Variants in SLC24A2 observed in about 807,000 individuals in gnomAD.
SLC24A2 encodes the protein sodium/potassium/calcium exchanger 2.
SLC24A2 carries 36 observed loss-of-function variants against 62.0 expected under a neutral mutation model. The ratio of observed to expected loss-of-function variants is 0.58; its 90% CI spans 0.44 to 0.77. SLC24A2 has a LOEUF of 0.77. SLC24A2 is among the 30% of genes least tolerant of loss of function. SLC24A2 has a pLI of 0.00. For missense variants in SLC24A2, 846 were observed against 817.9 expected, an observed-to-expected ratio of 1.03 and a Z score of -0.42; for synonymous variants, 358 against 294.0, an observed-to-expected ratio of 1.22 and a Z score of -2.23.
the SLC24A2 span, among the ~76,000 whole-genome samples, chr9:20,196,186 T>TA: frequency 1.5e-3 from 227 of 152,314 alleles, 1 homozygote; most frequent in African/African-American, 5.3e-3. Context: ...ACAATATGTA[T>TA]AAAAAATCAA....
At chr9:20,024,138 C>T in the SLC24A2 span, among the ~76,000 whole-genome samples, 1 of 152,172 alleles carries the variant, frequency 6.6e-6, no homozygotes, top group African/African-American at 2.4e-5. Context: ...GAGTTTTTCT[C>T]ATTTATCATC....
chr9:20,128,769 G>A, the SLC24A2 span, among the ~76,000 whole-genome samples: 4 of 152,016 alleles, frequency 2.6e-5, no homozygotes, highest in Non-Finnish European at 5.9e-5. Context: ...GCAAAAGAAT[G>A]AAGTTTGACC....
At chr9:19,692,155 T>C (rs1820063254) in intron 2 of SLC24A2, among the ~76,000 whole-genome samples, 2 of 152,172 alleles carry the variant, frequency 1.3e-5, no homozygotes, top group African/African-American at 4.8e-5. Context: ...ATGGCAATTA[T>C]GTATGCATAA....
the SLC24A2 span, among the ~76,000 whole-genome samples, chr9:20,137,723 T>C: frequency 6.6e-6 from 1 of 152,308 alleles, no homozygotes; most frequent in South Asian, 2.1e-4. Context: ...TAGGCTATTT[T>C]TAGAGCTACA....
At chr9:20,061,333 G>A in the SLC24A2 span, among the ~76,000 whole-genome samples, 1 of 151,488 alleles carries the variant, frequency 6.6e-6, no homozygotes, top group African/African-American at 2.4e-5. Context: ...TGCCCAGGCT[G>A]GAAGGCAGTG....
chr9:20,023,419 G>C, the SLC24A2 span, among the ~76,000 whole-genome samples: 9,333 of 152,244 alleles, frequency 0.061, 437 homozygotes, highest in Non-Finnish European at 0.099. Flanking sequence ...AGCAGGCTTG[G>C]TTACTGTTAA....
chr9:19,786,746 C>G lies in SLC24A2; in HGVS notation c.121G>C (p.Gly41Arg). ...ATGGCTACCAGACCCATGAAAAGGC[C>G]TAAGACTCGAATTAACTTCAGTTTT... ...KKKLKLIRVL[G>R]LFMGLVAIST... Residue 41 changes from glycine (G) to arginine (R), a missense_variant, in exon 2 of 11, where the codon GGC becomes CGC. Coordinates refer to ENST00000341998, the MANE Select transcript of SLC24A2 (RefSeq NM_020344.4). This position sits in a 1 kb window ranked among gnomAD's most constrained non-coding sequence, Gnocchi z 5.0. 3 of 1,603,006 alleles carry G rather than the reference C, an allele frequency of 1.9e-6. No individual in the cohort carries two copies. The highest frequency in any genetic ancestry group is 2.6e-6 in the Non-Finnish European group (3 of 1,174,058).
the SLC24A2 span, among the ~76,000 whole-genome samples, chr9:19,946,572 T>C: frequency 6.6e-6 from 1 of 152,198 alleles, no homozygotes; most frequent in African/African-American, 2.4e-5. Context: ...CTAAGGAGTC[T>C]GAAATGCAGA....
chr9:19,913,063 A>G, the SLC24A2 span, among the ~76,000 whole-genome samples: 1 of 151,888 alleles, frequency 6.6e-6, no homozygotes, highest in Non-Finnish European at 1.5e-5. Flanking sequence ...TTCATTGGCT[A>G]TTTCTCTATT....
chr9:20,113,030 T>C, the SLC24A2 span, among the ~76,000 whole-genome samples: 1 of 152,158 alleles, frequency 6.6e-6, no homozygotes, highest in Non-Finnish European at 1.5e-5. Flanking sequence ...GCTGTTTGGC[T>C]AATGTGACAT....
intron 2 of SLC24A2, among the ~76,000 whole-genome samples, chr9:19,725,759 T>A (rs528416661): frequency 6.6e-6 from 1 of 152,182 alleles, no homozygotes; most frequent in Non-Finnish European, 1.5e-5. Context: ...CTCTCCTCAA[T>A]GTTTCTAAAG....
At chr9:20,103,949 A>T in the SLC24A2 span, among the ~76,000 whole-genome samples, 12 of 152,034 alleles carry the variant, frequency 7.9e-5, no homozygotes, top group South Asian at 2.1e-4. Flanking sequence ...TAAAAACTTT[A>T]AAAAAAATTT....
chr9:19,712,887 A>G (rs1820754309), intron 2 of SLC24A2, among the ~76,000 whole-genome samples: 1 of 152,032 alleles, frequency 6.6e-6, no homozygotes, highest in Non-Finnish European at 1.5e-5. Flanking sequence ...TACCATACTT[A>G]CCCCAGTTGT....
chr9:20,115,375 A>G, the SLC24A2 span, among the ~76,000 whole-genome samples: 2 of 152,154 alleles, frequency 1.3e-5, no homozygotes, highest in Non-Finnish European at 2.9e-5. Flanking sequence ...AACTACCCTC[A>G]GTCAGATACG....
the SLC24A2 span, among the ~76,000 whole-genome samples, chr9:20,229,386 A>AAT: frequency 6.6e-6 from 1 of 152,276 alleles, no homozygotes; most frequent in South Asian, 2.1e-4. Flanking sequence ...TGAATAGGCT[A>AAT]ATATATATAA....
chr9:19,717,683 T>G (rs1471899937), intron 2 of SLC24A2, among the ~76,000 whole-genome samples: 1 of 152,242 alleles, frequency 6.6e-6, no homozygotes, highest in Non-Finnish European at 1.5e-5. Flanking sequence ...CTGGGCCTAA[T>G]CTATTGCTTG....
chr9:20,306,889 G>A, the SLC24A2 span, among the ~76,000 whole-genome samples: 3 of 151,952 alleles, frequency 2.0e-5, no homozygotes, highest in Non-Finnish European at 2.9e-5. Context: ...GTAGAGACGG[G>A]GTTTCACCAT....
At chr9:20,012,351 T>C in the SLC24A2 span, among the ~76,000 whole-genome samples, 53 of 152,186 alleles carry the variant, frequency 3.5e-4, no homozygotes, top group African/African-American at 1.2e-3. Flanking sequence ...CCATCAGATC[T>C]CGTGAGTCTT....
At chr9:19,674,097 T>C (rs989803651) in intron 2 of SLC24A2, among the ~76,000 whole-genome samples, 14 of 152,180 alleles carry the variant, frequency 9.2e-5, no homozygotes, top group Admixed American at 8.5e-4. Flanking sequence ...AGCATTTGTC[T>C]GAAAAAAGAC....
Sources: gnomAD v4.1 joint callset for allele counts (sites outside exome capture counted in the v4.1 genomes callset) on GRCh38, gnomAD v4.1.1 for gene constraint, Gnocchi (gnomAD v3.1) non-coding constraint, MANE v1.5 for transcripts, NCBI Gene and HGNC (gene_info 2026-07-23, HGNC 2026-07-21) for gene names.